Variants in F8 observed in about 807,000 individuals in gnomAD.
F8 encodes coagulation factor VIII.
In F8, 12 loss-of-function variants were observed where a neutral mutation model predicts 140.6. That is an observed-to-expected ratio of 0.09 (90% confidence interval 0.05 to 0.14). The LOEUF is 0.14. Ranked by LOEUF, F8 falls within the 10% of genes least tolerant of loss-of-function variation. The pLI, the probability that F8 is intolerant of heterozygous loss-of-function variation, is 1.00. For missense variants in F8, 1,354 were observed against 1,720.7 expected (o/e 0.79, Z 3.77); for synonymous variants, 585 against 614.6 (o/e 0.95, Z 0.71).
At chrX:154,875,990 C>T (rs2072809349) in intron 22 of F8, among the ~76,000 whole-genome samples, 1 of 110,515 alleles carries the variant, frequency 9.0e-6, no homozygotes, top group African/African-American at 3.3e-5. Context: ...TGGCATACAG[C>T]ATAAGAAATA....
At chrX:154,952,459 T>C (rs782210465) in intron 12 of F8, among the ~76,000 whole-genome samples, 23 of 111,721 alleles carry the variant, frequency 2.1e-4, no homozygotes, top group Non-Finnish European at 4.3e-4. Flanking sequence ...AGGAGGGGCA[T>C]AGAATTGTAA....
At chrX:154,876,739 A>G (rs2072819392) in intron 22 of F8, among the ~76,000 whole-genome samples, 1 of 111,113 alleles carries the variant, frequency 9.0e-6, no homozygotes, top group Admixed American at 9.6e-5. Context: ...GTAATAAGTA[A>G]ACACTCCAAA....
In F8 at chrX:154,943,194, A is replaced by C. The variant is rs191561925; in HGVS notation, c.2113+4504T>G. ...GCAATTAGGCAGGAGAAGGAAATAA[A>C]GTGTATTCAATTAGGAAAAGAGGAA... On this transcript the variant is annotated intron_variant, in intron 13 of 25. Coordinates refer to ENST00000360256, the MANE Select transcript of F8 (RefSeq NM_000132.4). Among the ~76,000 whole-genome samples, 6 of 111,837 alleles carry C rather than the reference A, an allele frequency of 5.4e-5. No homozygotes were observed. In the East Asian group the frequency reaches 1.7e-3, roughly 31 times the overall value.
At position 154,911,369 on chromosome X, in the gene F8, C is replaced by A. The variant is rs183430341; in HGVS notation, c.5220-4796G>T. Among the ~76,000 whole-genome samples the A allele has an allele frequency of 2.8e-5, 3 of 108,767 alleles. No individual in the cohort carries two copies. In the East Asian group the frequency reaches 8.8e-4, roughly 32 times the overall value. 94.5% of individuals were successfully genotyped at this position (108,767 alleles called of 115,157 possible). On this transcript the variant is annotated intron_variant, in intron 14 of 25. Transcript: ENST00000360256. ...TTCATTCCATCCCACCCCCCCATAC[C>A]ATTCCCAAACTCCTTTAAGCACCAT...
Position 154,969,555 on chromosome X carries a change from G to A in F8, c.788-3C>T. On this transcript the variant is annotated splice_region_variant and splice_polypyrimidine_tract_variant and intron_variant, in intron 6 of 25. Coordinates refer to ENST00000360256, the MANE Select transcript of F8 (RefSeq NM_000132.4). The stretch of plus-strand genomic sequence containing the variant: ...TTTCCTGTGGCATCCAATCAGACCT[G>A]TAAAGTAGGAATAAGACACCTATGG... The A allele has an allele frequency of 2.5e-6, 3 of 1,198,728 alleles. No homozygotes were observed. Among genetic ancestry groups the A allele is most frequent in the Non-Finnish European group, 3.4e-6 (3 of 883,627 alleles).
chrX:154,930,238 C>G lies in F8; in HGVS notation c.3552G>C (p.Glu1184Asp). The change falls in exon 14 of 26, where the codon GAG (glutamate) becomes GAC (aspartate). Residue 1184 changes from glutamate to aspartate, a missense_variant. Glu to Asp is a conservative substitution (Grantham distance 45). Around this residue, in one of 4 missense-constraint regions of F8, gnomAD observed 658 missense variants for 666.5 expected, o/e 0.99. Coordinates refer to ENST00000360256, the MANE Select transcript of F8 (RefSeq NM_000132.4). The stretch of plus-strand genomic sequence containing the variant: ...GGTTTCTGCTGCTTGGAAAAACCAT[C>G]TCTTTGAGTCCTACGTCCTTTGTAA... The part of the protein sequence containing the change: ...GEFTKDVGLK[E>D]MVFPSSRNLF... 1 of 1,208,856 alleles carries G rather than the reference C, an allele frequency of 8.3e-7. No individual in the cohort carries two copies. Among genetic ancestry groups the G allele is most frequent in the Non-Finnish European group, 1.1e-6 (1 of 893,928 alleles).
intron 9 of F8, among the ~76,000 whole-genome samples, chrX:154,965,323 T>C (rs1372833031): frequency 4.5e-5 from 5 of 111,880 alleles, no homozygotes; most frequent in Admixed American, 2.9e-4. Flanking sequence ...CATGACATTC[T>C]TCAGCGGCTG....
chrX:154,999,552 C>A lies in F8; in HGVS notation c.192G>T (p.Val64=), dbSNP rs782056433. The A allele has an allele frequency of 1.7e-6, 2 of 1,206,223 alleles. No homozygotes were observed. Among genetic ancestry groups the A allele is most frequent in the Admixed American group, 4.4e-5 (2 of 45,666 alleles). The change falls in exon 2 of 26, where the codon GTG becomes GTT. Residue 64 remains valine, a synonymous_variant. Transcript: ENST00000360256. ...ATTCTACAAACAGAGTCTTTTTGTA[C>A]ACGACTGAGGTGTTGAATGGAAAAG... ...PKSFPFNTSV[V]YKKTLFVEFT...
intron 13 of F8, among the ~76,000 whole-genome samples, chrX:154,933,733 G>C (rs1165906137): frequency 1.1e-4 from 12 of 111,971 alleles, no homozygotes; most frequent in African/African-American, 3.6e-4. Context: ...AGATTCTAGA[G>C]GAAAAGTAAG....
At chrX:154,944,326 A>G (rs2073289459) in intron 13 of F8, among the ~76,000 whole-genome samples, 1 of 110,040 alleles carries the variant, frequency 9.1e-6, no homozygotes, top group African/African-American at 3.3e-5. Context: ...TTTACAAGAA[A>G]AAAACAAACA....
In F8 at chrX:155,022,703, T is replaced by C. The variant is rs1603437876; in HGVS notation, c.-151A>G. On this transcript the variant is annotated 5_prime_UTR_variant, in exon 1 of 26. Coordinates refer to ENST00000360256, the MANE Select transcript of F8 (RefSeq NM_000132.4). Reference sequence around the variant, plus strand: ...GAGCATTTTAAGGAACTTTACCCACTGGATGTGCTCAGCACTAAGCAGTAA... The same window carrying C: ...GAGCATTTTAAGGAACTTTACCCACCGGATGTGCTCAGCACTAAGCAGTAA... 2.7e-6 allele frequency: 3 copies of C among 1,130,617 alleles called. No homozygotes were observed. Among genetic ancestry groups the C allele is most frequent in the East Asian group, 6.6e-5 (2 of 30,277 alleles). 93.2% of individuals were successfully genotyped at this position (1,130,617 alleles called of 1,213,427 possible). A position where few individuals can be genotyped will look rare whatever the true frequency, so the allele number is the denominator to read the frequency against.
chrX:154,931,331 T>C lies in F8; in HGVS notation c.2459A>G (p.His820Arg), dbSNP rs200909936. 1.4e-5 allele frequency: 17 copies of C among 1,208,071 alleles called. No individual in the cohort carries two copies. Among genetic ancestry groups the C allele is most frequent in the East Asian group, 3.0e-5 (1 of 33,782 alleles). The change falls in exon 14 of 26, where the codon CAT becomes CGT. Residue 820 changes from histidine to arginine, a missense_variant. His to Arg is a conservative substitution (Grantham distance 29). Around this residue, in one of 4 missense-constraint regions of F8, gnomAD observed 658 missense variants for 666.5 expected, o/e 0.99. Coordinates refer to ENST00000360256, the MANE Select transcript of F8 (RefSeq NM_000132.4). ...TTGGAGATCAGATAAGGATAGCCCA[T>C]GTGGAGTAGGACTCTGTCGCAAGAG... is the stretch of plus-strand genomic sequence containing the variant. ...LMLLRQSPTP[H>R]GLSLSDLQEA...
chrX:154,871,994 T>C (rs2072777227), intron 22 of F8, among the ~76,000 whole-genome samples: 1 of 111,870 alleles, frequency 8.9e-6, no homozygotes, highest in Non-Finnish European at 1.9e-5. Flanking sequence ...AAAACCACAA[T>C]GAGATACCAA....
chrX:154,860,656 C>A, intron 24 of F8, 48 bp from the exon 25 acceptor site: 1 of 1,106,500 alleles, frequency 9.0e-7, no homozygotes, highest in South Asian at 1.8e-5. Context: ...ACCATTTACT[C>A]CCAGAAATTC....
At chrX:154,876,180 C>T (rs1387405412) in intron 22 of F8, among the ~76,000 whole-genome samples, 35 of 99,226 alleles carry the variant, frequency 3.5e-4, no homozygotes, top group East Asian at 1.6e-3. Context: ...AGTGCCGTGG[C>T]GCGATCTCGG....
chrX:154,861,409 T>G (rs2072689874), intron 24 of F8, among the ~76,000 whole-genome samples: 1 of 112,197 alleles, frequency 8.9e-6, no homozygotes, highest in Non-Finnish European at 1.9e-5. Flanking sequence ...TTTTCATTGA[T>G]GTAATGAGAA....
At chrX:154,962,710 A>T (rs976710850) in intron 9 of F8, among the ~76,000 whole-genome samples, 5 of 111,080 alleles carry the variant, frequency 4.5e-5, no homozygotes, top group African/African-American at 1.6e-4. Context: ...TACAAAAAAT[A>T]AAAAAATTAG....
chrX:154,863,188 T>G lies in F8; in HGVS notation c.6469A>C (p.Asn2157His). The G allele has an allele frequency of 8.3e-7, 1 of 1,209,189 alleles. No homozygotes were observed. The highest frequency in any genetic ancestry group is 1.1e-6 in the Non-Finnish European group (1 of 892,882). ...GNVDSSGIKHNIFNPPIIARY... is the reference protein window; with the variant it reads ...GNVDSSGIKHHIFNPPIIARY... ...GCAATAATTGGAGGGTTAAAAATAT[T>G]GTGTTTTATCCCAGATGAATCCACA... Residue 2157 changes from asparagine (N) to histidine (H), a missense_variant, in exon 23 of 26, where the codon AAT becomes CAT. Asn to His is a moderately conservative substitution (Grantham distance 68, BLOSUM62 1). This residue lies in a region of F8 where 316 missense variants were observed against 485.4 expected (regional missense o/e 0.65). Transcript: ENST00000360256.
chrX:154,860,319 T>C, intron 25 of F8, 113 bp downstream of exon 25: 1 of 768,296 alleles, frequency 1.3e-6, no homozygotes, highest in South Asian at 2.2e-5. Flanking sequence ...AGGTACTTAA[T>C]AAATTTTGCT....
Sources: allele counts gnomAD v4.1 joint callset (sites outside exome capture counted in the v4.1 genomes callset), GRCh38; gene constraint gnomAD v4.1.1; regional missense constraint gnomAD v4.1.1; transcripts MANE v1.5; gene names NCBI Gene and HGNC (gene_info 2026-07-23, HGNC 2026-07-21).